The following PTPRU variants were observed in gnomAD, a reference collection of about 807,000 sequenced individuals.
PTPRU encodes the protein receptor-type tyrosine-protein phosphatase U.
PTPRU carries 69 observed loss-of-function variants against 166.3 expected under a neutral mutation model. The observed-to-expected ratio is 0.41, with a 90% CI of 0.34 to 0.51. The LOEUF (loss-of-function observed/expected upper bound fraction) is 0.51. Ranked by LOEUF, PTPRU falls within the 20% of genes least tolerant of loss-of-function variation. PTPRU has a pLI of 0.09. For synonymous variants in PTPRU, 793 were observed against 814.0 expected (o/e 0.97, Z 0.44); for missense variants, 1,657 against 2,013.7 (o/e 0.82, Z 3.39).
At chr1:29,323,147 A>G (rs1348205506) in intron 26 of PTPRU, 2 of 559,940 alleles carry the variant, frequency 3.6e-6, no homozygotes, top group East Asian at 3.1e-5. Context: ...ATCTTGGCTG[A>G]TCTGAACGTG....
Position 29,311,803 on chromosome 1 carries a change from A to G in PTPRU, c.3072+44A>G, listed in dbSNP as rs1292756284. On this transcript the variant is annotated intron_variant, in intron 21 of 29. Transcript: ENST00000373779. The surrounding 1 kb of genome is among the most constrained non-coding windows in gnomAD (Gnocchi z 4.1). ...TGTTCCCTGCAGAGGGTGCCTGAGC[A>G]GGGATTAGAGCCCACTCCCACTTCC... 3.2e-6 allele frequency: 5 copies of G among 1,568,052 alleles called. No homozygotes were observed. The East Asian group carries it at 6.7e-5, about 21-fold the overall frequency.
chr1:29,264,965 C>T (rs1685233677), intron 7 of PTPRU, among the ~76,000 whole-genome samples: 1 of 152,136 alleles, frequency 6.6e-6, no homozygotes. Flanking sequence ...ACTTTTTATT[C>T]CATGCTGTGG....
intron 7 of PTPRU, among the ~76,000 whole-genome samples, chr1:29,261,520 T>C (rs1318089747): frequency 6.6e-6 from 1 of 152,084 alleles, no homozygotes; most frequent in Non-Finnish European, 1.5e-5. Flanking sequence ...GTGACTTTAG[T>C]ATTGTTGTTG....
Position 29,260,071 on chromosome 1 carries a change from C to CCTCACCCTCGAG in PTPRU, c.850+27_850+28insCTCACCCTCGAG. Reference sequence around the variant, plus strand: ...TCAGCTGGTGGACGCCGGGGAGCGCCGGGACCTCACCCTCGAGGGGCGGGG... The same window carrying CCTCACCCTCGAG: ...TCAGCTGGTGGACGCCGGGGAGCGCCCTCACCCTCGAGGGGACCTCACCCTCGAGGGGCGGGG... On this transcript the variant is annotated intron_variant, in intron 6 of 29. Transcript: ENST00000373779. This position sits in a 1 kb window ranked among gnomAD's most constrained non-coding sequence, Gnocchi z 8.3. 3 of 1,191,400 alleles carry CCTCACCCTCGAG rather than the reference C, an allele frequency of 2.5e-6. No homozygotes were observed. The highest frequency in any genetic ancestry group is 3.1e-6 in the Non-Finnish European group (3 of 952,934). 73.8% of individuals were successfully genotyped at this position (1,191,400 alleles called of 1,614,324 possible). A position where few individuals can be genotyped will look rare whatever the true frequency, so the allele number is the denominator to read the frequency against.
Position 29,283,947 on chromosome 1 carries a change from G to C in PTPRU, c.2150G>C (p.Arg717Pro). Reference protein sequence around the residue: ...QAASHLKGETRLNCIRIARKA... With the variant: ...QAASHLKGETPLNCIRIARKA... ...CCCCATCTGTGCCTCCAGGAGACCC[G>C]GCTGAATTGCATCCGCATTGCCAGG... is the stretch of plus-strand genomic sequence containing the variant. Residue 717 changes from arginine (R) to proline (P), a missense_variant, in exon 13 of 30, where the codon CGG becomes CCG. By Grantham distance (103) the Arg-to-Pro change is moderately radical. Coordinates refer to ENST00000373779, the MANE Select transcript of PTPRU (RefSeq NM_133178.4). The C allele has an allele frequency of 6.2e-7, 1 of 1,613,958 alleles. No individual in the cohort carries two copies. The highest frequency in any genetic ancestry group is 1.3e-5 in the African/African-American group (1 of 75,052).
At chr1:29,289,427 C>T (rs541437267) in intron 14 of PTPRU, among the ~76,000 whole-genome samples, 1 of 152,196 alleles carries the variant, frequency 6.6e-6, no homozygotes, top group East Asian at 1.9e-4. Context: ...GCTCTGCGGC[C>T]CCCTAGGTCC....
Position 29,260,185 on chromosome 1 carries a change from C to A in PTPRU, c.850+141C>A. The A allele has an allele frequency of 9.8e-7, 1 of 1,021,770 alleles. No homozygotes were observed. Among genetic ancestry groups the A allele is most frequent in the Non-Finnish European group, 1.3e-6 (1 of 765,470 alleles). The allele number at this position is 1,021,770 out of a possible 1,614,324, so 63.3% of individuals were successfully genotyped here. A position where few individuals can be genotyped will look rare whatever the true frequency, so the allele number is the denominator to read the frequency against. ...GCTGGGGCGCTATCTGAAGATGGGCCTGTGGAAATGGCAGTGGCCCAGCCG... is the reference window on the plus strand; with the variant it reads ...GCTGGGGCGCTATCTGAAGATGGGCATGTGGAAATGGCAGTGGCCCAGCCG... On this transcript the variant is annotated intron_variant, in intron 6 of 29. Transcript: ENST00000373779. This position sits in a 1 kb window ranked among gnomAD's most constrained non-coding sequence, Gnocchi z 8.3.
chr1:29,312,771 C>G (rs886744424), intron 22 of PTPRU, 65 bp downstream of exon 22: 6 of 1,522,526 alleles, frequency 3.9e-6, no homozygotes, highest in Non-Finnish European at 5.3e-6. Flanking sequence ...GGCTTGGGGT[C>G]AGGTTGGTTC....
chr1:29,305,650 G>A, intron 18 of PTPRU: 1 of 732,646 alleles, frequency 1.4e-6, no homozygotes, highest in South Asian at 1.4e-5. Flanking sequence ...GAGAGATGAG[G>A]TGCTTTAGAG....
Position 29,279,252 on chromosome 1 carries a change from C to A in PTPRU, c.1563+131C>A. 9.9e-7 allele frequency: 1 copy of A among 1,005,454 alleles called. No homozygotes were observed. The highest frequency in any genetic ancestry group is 1.5e-6 in the Non-Finnish European group (1 of 673,328). 62.3% of individuals were successfully genotyped at this position (1,005,454 alleles called of 1,614,324 possible). ...TTGTCATAGTTTCTTCAACTATGGC[C>A]AGGTCTGTGCCCTGTGTATTCTAGA... is the stretch of plus-strand genomic sequence containing the variant. On this transcript the variant is annotated intron_variant, in intron 9 of 29. Transcript: ENST00000373779. This position sits in a 1 kb window ranked among gnomAD's most constrained non-coding sequence, Gnocchi z 5.2.
At chr1:29,259,585 TG>T in intron 5 of PTPRU, 21 bp downstream of exon 5, 1 of 360,790 alleles carries the variant, frequency 2.8e-6, no homozygotes, top group Non-Finnish European at 5.4e-6. Flanking sequence ...GCGGTGATCT[TG>T]GCTGGGGGCG....
chr1:29,283,085 C>T, intron 12 of PTPRU, 136 bp downstream of exon 12: 1 of 1,267,550 alleles, frequency 7.9e-7, no homozygotes, highest in Non-Finnish European at 1.1e-6. Flanking sequence ...GCCCCACCTC[C>T]CATAGCTCCT....
At chr1:29,246,528 A>G (rs1684305100) in intron 1 of PTPRU, among the ~76,000 whole-genome samples, 1 of 152,178 alleles carries the variant, frequency 6.6e-6, no homozygotes. Flanking sequence ...TCTACCCTGC[A>G]ACGAACCTGT....
At position 29,237,314 on chromosome 1, in the gene PTPRU, G is replaced by A. The variant is rs1683813434; in HGVS notation, c.73+597G>A. ...GTGTGTGTCCGTGCGCTGTGTACGT[G>A]TGGGGAGTGTCTAGGGTATGTGGTG... is the stretch of plus-strand genomic sequence containing the variant. On this transcript the variant is annotated intron_variant, in intron 1 of 29. Transcript: ENST00000373779. This position sits in a 1 kb window ranked among gnomAD's most constrained non-coding sequence, Gnocchi z 6.4. 6.6e-6 allele frequency among the ~76,000 whole-genome samples: 1 copy of A among 152,106 alleles called. No homozygotes were observed. Among genetic ancestry groups the A allele is most frequent in the African/African-American group, 2.4e-5 (1 of 41,408 alleles).
chr1:29,314,601 A>G lies in PTPRU; in HGVS notation c.3228-771A>G, dbSNP rs578227174. Among the ~76,000 whole-genome samples, 12 of 150,982 alleles carry G rather than the reference A, an allele frequency of 7.9e-5. No homozygotes were observed. The South Asian group carries it at 2.3e-3, about 29-fold the overall frequency. On this transcript the variant is annotated intron_variant, in intron 22 of 29. Transcript: ENST00000373779. ...TTAATTAATTTTTTTTTTTTGAGAC[A>G]GGATCTTGTTCTGTCATCCAGGCTG...
chr1:29,311,947 G>C lies in PTPRU; in HGVS notation c.3072+188G>C, dbSNP rs1281401247. Among the ~76,000 whole-genome samples, 1 of 152,222 alleles carries C rather than the reference G, an allele frequency of 6.6e-6. No individual in the cohort carries two copies. On this transcript the variant is annotated intron_variant, in intron 21 of 29. Transcript: ENST00000373779. The surrounding 1 kb of genome is among the most constrained non-coding windows in gnomAD (Gnocchi z 4.1). ...GGCAGGAAGGTCACTGCCTTTGTTG[G>C]TGCCCATAGGAGGAAGCTGAGACAA...
At chr1:29,286,276 G>T (rs1311670654) in intron 14 of PTPRU, among the ~76,000 whole-genome samples, 2 of 152,116 alleles carry the variant, frequency 1.3e-5, no homozygotes, top group Non-Finnish European at 1.5e-5. Context: ...TTTAATGAGG[G>T]ATTACTATGT....
Position 29,291,843 on chromosome 1 carries a change from T to G in PTPRU, c.2319-26T>G, listed in dbSNP as rs1238207720. The G allele has an allele frequency of 6.2e-7, 1 of 1,611,850 alleles. No homozygotes were observed. Among genetic ancestry groups the G allele is most frequent in the East Asian group, 2.2e-5 (1 of 44,852 alleles). On this transcript the variant is annotated intron_variant, in intron 14 of 29. Transcript: ENST00000373779. The surrounding 1 kb of genome is among the most constrained non-coding windows in gnomAD (Gnocchi z 4.1). ...GCTGTCCAGCCCCACACAATGCCTG[T>G]GTCTCCCCTCAACCCCCCTCTCCAG...
chr1:29,253,885 A>G (rs574490998), intron 1 of PTPRU, among the ~76,000 whole-genome samples: 65 of 152,250 alleles, frequency 4.3e-4, no homozygotes, highest in Admixed American at 3.9e-3. Flanking sequence ...GCGTTGTGCT[A>G]AGTGGGCTAC....
Sources: allele counts gnomAD v4.1 joint callset (sites outside exome capture counted in the v4.1 genomes callset), GRCh38; gene constraint gnomAD v4.1.1; non-coding constraint Gnocchi (gnomAD v3.1); transcripts MANE v1.5; gene names NCBI Gene and HGNC (gene_info 2026-07-23, HGNC 2026-07-21).